DDR2: variants seen among roughly 807,000 people sequenced by gnomAD.
DDR2 encodes the protein discoidin domain receptor tyrosine kinase 2, also known as discoidin domain-containing receptor 2.
Under a neutral mutation model 94.9 loss-of-function variants are expected in DDR2, and 27 were observed. That is an observed-to-expected ratio of 0.28 (90% CI 0.21 to 0.39). The LOEUF is 0.39. DDR2 is among the 10% of genes least tolerant of loss of function. The pLI is 1.00. For synonymous variants in DDR2, 382 were observed against 377.2 expected, an observed-to-expected ratio of 1.01 and a Z score of -0.15; for missense variants, 783 against 1,076.0, an observed-to-expected ratio of 0.73 and a Z score of 3.81.
chr1:162,653,219 A>G (rs6683356), intron 1 of DDR2, among the ~76,000 whole-genome samples: 139,181 of 152,126 alleles, frequency 0.91, 64,256 homozygotes, highest in Middle Eastern at 0.98. Flanking sequence ...CTACGTCAGC[A>G]AAATTGTGAA....
intron 3 of DDR2, among the ~76,000 whole-genome samples, chr1:162,744,388 G>A (rs1209990515): frequency 6.6e-6 from 1 of 152,132 alleles, no homozygotes; most frequent in Non-Finnish European, 1.5e-5. Flanking sequence ...TGTAACGTAT[G>A]TGGAATCAGG....
intron 1 of DDR2, among the ~76,000 whole-genome samples, chr1:162,653,971 A>G (rs183586499): frequency 1.7e-3 from 253 of 152,232 alleles, no homozygotes; most frequent in African/African-American, 5.9e-3. Flanking sequence ...CCGCCTGAAC[A>G]CTGTGGCACT....
intron 7 of DDR2, among the ~76,000 whole-genome samples, chr1:162,757,773 C>T (rs1663530029): frequency 6.6e-6 from 1 of 151,916 alleles, no homozygotes; most frequent in South Asian, 2.1e-4. Context: ...CTTAGTTCTG[C>T]CAAGTAAAAA....
chr1:162,753,091 C>T lies in DDR2; in HGVS notation c.83-4C>T, dbSNP rs76156815. ...TCTTTTCTCTTTGGTTTCTCTTGGTCTAGCTATATGCCGCTATCCTCTGGG... is the reference window on the plus strand; with the variant it reads ...TCTTTTCTCTTTGGTTTCTCTTGGTTTAGCTATATGCCGCTATCCTCTGGG... On this transcript the variant is annotated splice_polypyrimidine_tract_variant and splice_region_variant and intron_variant, in intron 3 of 17. Coordinates refer to ENST00000367921, the MANE Select transcript of DDR2 (RefSeq NM_006182.4). 3,097 of 1,612,678 alleles carry T rather than the reference C, an allele frequency of 1.9e-3. 43 individuals are homozygous for T. In the African/African-American group the frequency reaches 0.036, roughly 19 times the overall value.
At chr1:162,669,151 CTG>C (rs572475342) in intron 2 of DDR2, among the ~76,000 whole-genome samples, 5 of 152,312 alleles carry the variant, frequency 3.3e-5, no homozygotes, top group Admixed American at 3.3e-4. Context: ...ACAATAGTGA[CTG>C]GAAATATTTT....
intron 2 of DDR2, among the ~76,000 whole-genome samples, chr1:162,688,889 G>A (rs983509623): frequency 6.6e-6 from 1 of 152,294 alleles, no homozygotes; most frequent in African/African-American, 2.4e-5. Context: ...CTGTGGGGCC[G>A]GCCTTCCTGA....
At chr1:162,684,660 A>G (rs1445150489) in intron 2 of DDR2, among the ~76,000 whole-genome samples, 2 of 152,142 alleles carry the variant, frequency 1.3e-5, no homozygotes, top group Admixed American at 1.3e-4. Context: ...TCTGTCTCCC[A>G]GTAGAATACT....
intron 2 of DDR2, among the ~76,000 whole-genome samples, chr1:162,668,625 T>A (rs1269219920): frequency 6.6e-6 from 1 of 152,166 alleles, no homozygotes. Flanking sequence ...TGTCTCTCTG[T>A]CTTTGTGTCC....
chr1:162,675,130 C>A (rs547455515), intron 2 of DDR2, among the ~76,000 whole-genome samples: 1 of 152,054 alleles, frequency 6.6e-6, no homozygotes, highest in South Asian at 2.1e-4. Flanking sequence ...GCGTTCCAGC[C>A]TGGCCAACAA....
chr1:162,651,743 T>C (rs909793716), intron 1 of DDR2, among the ~76,000 whole-genome samples: 10 of 152,352 alleles, frequency 6.6e-5, no homozygotes, highest in Admixed American at 4.6e-4. Context: ...CTTAATCTCC[T>C]AACAAAATAC....
chr1:162,698,133 G>C (rs1176903517), intron 2 of DDR2, among the ~76,000 whole-genome samples: 1 of 152,208 alleles, frequency 6.6e-6, no homozygotes, highest in Non-Finnish European at 1.5e-5. Flanking sequence ...AGAACACTTT[G>C]CTGAATGAAA....
At chr1:162,642,040 T>C (rs1657157328) in intron 1 of DDR2, among the ~76,000 whole-genome samples, 1 of 152,172 alleles carries the variant, frequency 6.6e-6, no homozygotes, top group East Asian at 1.9e-4. Context: ...AACCTCTGCC[T>C]CCTGGGTTCA....
chr1:162,771,959 TC>T (rs1434123489), intron 12 of DDR2, 64 bp from the exon 13 acceptor site: 23 of 1,517,306 alleles, frequency 1.5e-5, no homozygotes, highest in Non-Finnish European at 2.1e-5. Context: ...CTCTCAGAGT[TC>T]CTTCCTGAAG....
chr1:162,762,750 G>T (rs754354068), intron 9 of DDR2, among the ~76,000 whole-genome samples: 68 of 151,938 alleles, frequency 4.5e-4, no homozygotes, highest in Non-Finnish European at 7.4e-4. Flanking sequence ...ATTAATTTTG[G>T]TTTTTACCCT....
intron 1 of DDR2, among the ~76,000 whole-genome samples, chr1:162,647,036 T>G (rs1657446344): frequency 6.6e-6 from 1 of 152,184 alleles, no homozygotes; most frequent in Non-Finnish European, 1.5e-5. Context: ...AAGAAAGATG[T>G]GTTCTTGGGA....
At chr1:162,726,954 C>T (rs904813474) in intron 3 of DDR2, among the ~76,000 whole-genome samples, 5 of 149,018 alleles carry the variant, frequency 3.4e-5, no homozygotes, top group South Asian at 2.1e-4. Flanking sequence ...TACAATATAG[C>T]GATATAAGTA....
chr1:162,687,109 C>T (rs1022485497), intron 2 of DDR2, among the ~76,000 whole-genome samples: 1 of 152,210 alleles, frequency 6.6e-6, no homozygotes, highest in African/African-American at 2.4e-5. Context: ...TTGGGCTGCT[C>T]TGGCCTCTCT....
At chr1:162,728,191 T>G (rs1456694530) in intron 3 of DDR2, among the ~76,000 whole-genome samples, 2 of 144,784 alleles carry the variant, frequency 1.4e-5, no homozygotes, top group African/African-American at 2.6e-5. Context: ...TTTATATATA[T>G]ATAGATAGAT....
intron 5 of DDR2, 131 bp downstream of exon 5, chr1:162,754,986 A>G: frequency 7.0e-7 from 1 of 1,422,430 alleles, no homozygotes; most frequent in Non-Finnish European, 9.8e-7. Flanking sequence ...TAAATGTGTG[A>G]CCCAGGGTGA....
Sources: allele counts gnomAD v4.1 joint callset (sites outside exome capture counted in the v4.1 genomes callset), GRCh38; gene constraint gnomAD v4.1.1; transcripts MANE v1.5; gene names NCBI Gene and HGNC (gene_info 2026-07-23, HGNC 2026-07-21).